The following DOCK2 variants were observed in gnomAD, a reference collection of about 807,000 sequenced individuals.
DOCK2 encodes the protein dedicator of cytokinesis 2.
DOCK2 carries 87 observed loss-of-function variants against 248.9 expected under a neutral mutation model. The ratio of observed to expected loss-of-function variants is 0.35; its 90% CI spans 0.29 to 0.42. The LOEUF is 0.42. Ranked by LOEUF, DOCK2 falls within the 10% of genes least tolerant of loss-of-function variation. The pLI is 1.00. For missense variants in DOCK2, 1,747 were observed against 2,300.2 expected (o/e 0.76, Z 4.92); for synonymous variants, 805 against 821.6 (o/e 0.98, Z 0.35).
At chr5:169,699,699 C>T (rs529460523) in intron 12 of DOCK2, among the ~76,000 whole-genome samples, 16 of 152,294 alleles carry the variant, frequency 1.1e-4, no homozygotes, top group Non-Finnish European at 1.9e-4. Context: ...TCCGGTGTTC[C>T]GGGGGCACTT....
chr5:169,725,414 T>C lies in DOCK2; in HGVS notation c.2267+6623T>C, dbSNP rs560933958. ...TCTCATGAACATATGTGAAAGTGGT[T>C]TGTCAACTGTTAAGTAAGTTGCCTG... On this transcript the variant is annotated intron_variant, in intron 22 of 51. Coordinates refer to ENST00000520908, the MANE Select transcript of DOCK2 (RefSeq NM_004946.3). Among the ~76,000 whole-genome samples the C allele has an allele frequency of 2.6e-5, 4 of 152,360 alleles. No homozygotes were observed. In the East Asian group the frequency reaches 7.7e-4, roughly 29 times the overall value.
At chr5:169,743,337 T>A (rs1384616420) in intron 22 of DOCK2, among the ~76,000 whole-genome samples, 2 of 152,362 alleles carry the variant, frequency 1.3e-5, no homozygotes, top group East Asian at 3.9e-4. Context: ...CTCAGGAGGC[T>A]GAGGCTGGAG....
intron 19 of DOCK2, 113 bp from the exon 20 acceptor site, chr5:169,716,100 C>A: frequency 1.1e-6 from 1 of 943,348 alleles, no homozygotes; most frequent in Non-Finnish European, 1.6e-6. Flanking sequence ...TTGAGCATGA[C>A]ATGTGGTGGA....
At chr5:169,858,853 T>TA (rs1771026777) in intron 27 of DOCK2, among the ~76,000 whole-genome samples, 1 of 151,780 alleles carries the variant, frequency 6.6e-6, no homozygotes, top group Non-Finnish European at 1.5e-5. Flanking sequence ...AATAATTATT[T>TA]TAAAAAAAAC....
chr5:169,959,985 A>T (rs896247178), intron 27 of DOCK2, among the ~76,000 whole-genome samples: 1 of 152,230 alleles, frequency 6.6e-6, no homozygotes, highest in Non-Finnish European at 1.5e-5. Flanking sequence ...GTTAAATTAA[A>T]TTCGACCATG....
At chr5:169,905,932 G>A (rs1432629815) in intron 27 of DOCK2, among the ~76,000 whole-genome samples, 2 of 152,208 alleles carry the variant, frequency 1.3e-5, no homozygotes, top group African/African-American at 2.4e-5. Context: ...GAACCTGACT[G>A]TATCTAAAAT....
intron 27 of DOCK2, among the ~76,000 whole-genome samples, chr5:169,957,631 T>A (rs982550809): frequency 3.9e-5 from 6 of 152,156 alleles, no homozygotes; most frequent in Non-Finnish European, 5.9e-5. Flanking sequence ...TTCCTGGTAA[T>A]GAGACACTAG....
intron 27 of DOCK2, among the ~76,000 whole-genome samples, chr5:169,849,200 G>A (rs1220556367): frequency 2.0e-5 from 3 of 152,168 alleles, no homozygotes; most frequent in Admixed American, 6.5e-5. Context: ...AATGGCACAG[G>A]CACCCTGTAT....
chr5:170,064,770 A>G (rs1190094641), intron 44 of DOCK2, among the ~76,000 whole-genome samples: 1 of 152,242 alleles, frequency 6.6e-6, no homozygotes, highest in East Asian at 1.9e-4. Context: ...CCAAAGGACA[A>G]CAAATCAGAT....
chr5:169,920,864 A>ACAGG (rs10681452), intron 27 of DOCK2, among the ~76,000 whole-genome samples: 62,096 of 151,996 alleles, frequency 0.41, 13,514 homozygotes, highest in African/African-American at 0.57. Context: ...GGACACCTGT[A>ACAGG]TCTCCTCCAA....
intron 33 of DOCK2, among the ~76,000 whole-genome samples, chr5:170,026,377 C>T (rs1183204693): frequency 6.6e-6 from 1 of 152,204 alleles, no homozygotes; most frequent in East Asian, 1.9e-4. Flanking sequence ...CAAGCAAGGG[C>T]TGGCTGCTCT....
At chr5:169,638,988 T>A (rs1264645943) in intron 1 of DOCK2, among the ~76,000 whole-genome samples, 1 of 152,190 alleles carries the variant, frequency 6.6e-6, no homozygotes, top group Non-Finnish European at 1.5e-5. Context: ...ATAAGTAGTC[T>A]GTTTTGGTTT....
chr5:169,659,084 C>T (rs1018601244), intron 2 of DOCK2, among the ~76,000 whole-genome samples: 2 of 150,700 alleles, frequency 1.3e-5, no homozygotes, highest in Admixed American at 6.6e-5. Flanking sequence ...ACTCCAGGGC[C>T]CAAGCAGTCC....
intron 25 of DOCK2, chr5:169,772,892 G>A (rs1028024805): frequency 3.3e-5 from 5 of 152,142 alleles, no homozygotes; most frequent in African/African-American, 4.8e-5. Context: ...TGATGCATTC[G>A]AGGTTACACA....
intron 26 of DOCK2, among the ~76,000 whole-genome samples, chr5:169,833,391 G>A (rs1450048581): frequency 6.6e-6 from 1 of 152,126 alleles, no homozygotes; most frequent in Non-Finnish European, 1.5e-5. Flanking sequence ...AGAAAGGTAG[G>A]AATCATACGG....
At chr5:169,992,759 A>G (rs73310606) in intron 29 of DOCK2, among the ~76,000 whole-genome samples, 10,211 of 149,308 alleles carry the variant, frequency 0.068, 1,066 homozygotes, top group African/African-American at 0.23. Context: ...CACCGTGCCC[A>G]GCCAATTACT....
intron 1 of DOCK2, among the ~76,000 whole-genome samples, chr5:169,649,358 G>A (rs959298558): frequency 1.7e-4 from 26 of 152,186 alleles, no homozygotes; most frequent in Admixed American, 1.4e-3. Flanking sequence ...CAGCCAAGAC[G>A]TGTCTTTTGA....
chr5:169,975,972 A>G lies in DOCK2; in HGVS notation c.2800-7096A>G, dbSNP rs1403961934. ...TTGCTAGAATATAATTTAAGATGGG[A>G]TGTGTTCAGAGGTAGAACAAAACTT... On this transcript the variant is annotated intron_variant, in intron 27 of 51. Coordinates refer to ENST00000520908, the MANE Select transcript of DOCK2 (RefSeq NM_004946.3). Among the ~76,000 whole-genome samples the G allele has an allele frequency of 5.3e-5, 8 of 152,222 alleles. No individual in the cohort carries two copies. The South Asian group carries it at 1.7e-3, about 32-fold the overall frequency.
chr5:169,687,393 G>A (rs894824445), intron 8 of DOCK2, among the ~76,000 whole-genome samples: 3 of 152,036 alleles, frequency 2.0e-5, no homozygotes, highest in African/African-American at 4.8e-5. Flanking sequence ...TGGCCCCATT[G>A]CCTGCTTGAA....
Sources: gnomAD v4.1 joint callset for allele counts (sites outside exome capture counted in the v4.1 genomes callset) on GRCh38, gnomAD v4.1.1 for gene constraint, MANE v1.5 for transcripts, NCBI Gene and HGNC (gene_info 2026-07-23, HGNC 2026-07-21) for gene names.